Variants in NFIB observed in about 807,000 individuals in gnomAD.
NFIB encodes nuclear factor 1 B-type.
A neutral mutation model predicts 61.5 loss-of-function variants in NFIB; 11 were observed. The observed-to-expected ratio is 0.18, with a 90% CI of 0.11 to 0.30. NFIB has a LOEUF of 0.30. Ranked by LOEUF, NFIB falls within the 10% of genes least tolerant of loss-of-function variation. The pLI is 1.00. For synonymous variants in NFIB, 260 were observed against 216.5 expected (o/e 1.20, Z -1.76); for missense variants, 471 against 608.9 (o/e 0.77, Z 2.38).
intron 7 of NFIB, among the ~76,000 whole-genome samples, chr9:14,122,728 T>C (rs1007096249): frequency 2.0e-5 from 3 of 152,152 alleles, no homozygotes; most frequent in African/African-American, 7.2e-5. Context: ...CATAGTTCCA[T>C]CTTGGGTCCT....
intron 6 of NFIB, among the ~76,000 whole-genome samples, chr9:14,135,576 T>C (rs1361486771): frequency 1.3e-5 from 2 of 152,194 alleles, no homozygotes; most frequent in Non-Finnish European, 2.9e-5. Context: ...CTGAATGTTA[T>C]GACAAGACAT....
intron 2 of NFIB, among the ~76,000 whole-genome samples, chr9:14,186,962 G>T (rs1375595810): frequency 6.7e-6 from 1 of 149,934 alleles, no homozygotes; most frequent in African/African-American, 2.5e-5. Context: ...TAAATGTTTG[G>T]GAAATGGTTT....
Position 14,090,125 on chromosome 9 carries a change from T to C in NFIB, c.1468-1799A>G, listed in dbSNP as rs575626049. Among the ~76,000 whole-genome samples, 47 of 150,432 alleles carry C rather than the reference T, an allele frequency of 3.1e-4. No individual in the cohort carries two copies. In the South Asian group the frequency reaches 6.8e-3, roughly 22 times the overall value. ...ACCCAAGATTACATATACTCATGAA[T>C]ATGTTGTGATTTGATCCCCTATAAA... On this transcript the variant is annotated intron_variant, in intron 10 of 10. Coordinates refer to ENST00000380953, the MANE Select transcript of NFIB (RefSeq NM_001190737.2).
At chr9:14,233,421 CTTTT>C (rs766595252) in intron 2 of NFIB, among the ~76,000 whole-genome samples, 4 of 109,124 alleles carry the variant, frequency 3.7e-5, no homozygotes, top group Non-Finnish European at 5.6e-5. Flanking sequence ...TGCTATTATT[CTTTT>C]TTTTTTTTTT....
intron 2 of NFIB, among the ~76,000 whole-genome samples, chr9:14,241,814 T>C (rs1267168956): frequency 6.6e-6 from 1 of 152,174 alleles, no homozygotes; most frequent in Non-Finnish European, 1.5e-5. Flanking sequence ...ATTCTTCCTC[T>C]CCTTATAGAC....
chr9:14,408,754 T>G, the NFIB span, among the ~76,000 whole-genome samples: 1 of 152,246 alleles, frequency 6.6e-6, no homozygotes, highest in East Asian at 1.9e-4. Flanking sequence ...AAGTGGTTCT[T>G]AGAATAATTT....
At chr9:14,140,203 T>A (rs1307274107) in intron 6 of NFIB, among the ~76,000 whole-genome samples, 1 of 152,220 alleles carries the variant, frequency 6.6e-6, no homozygotes, top group Non-Finnish European at 1.5e-5. Flanking sequence ...TCTTCCAGTA[T>A]GGTTACTAAG....
chr9:14,321,247 G>GA (rs1310664909), intron 1 of NFIB, among the ~76,000 whole-genome samples: 2 of 151,796 alleles, frequency 1.3e-5, no homozygotes. Context: ...ATAGGAAGAG[G>GA]AAAAAAATCG....
At chr9:14,432,117 G>C in the NFIB span, among the ~76,000 whole-genome samples, 2 of 152,172 alleles carry the variant, frequency 1.3e-5, no homozygotes, top group South Asian at 2.1e-4. Context: ...CATGTACACA[G>C]TTGATTGGTC....
chr9:14,402,456 G>C (rs72700552), upstream of NFIB, among the ~76,000 whole-genome samples: 132 of 152,078 alleles, frequency 8.7e-4, 1 homozygote, highest in Admixed American at 3.4e-3. Flanking sequence ...TTAATTATGA[G>C]GAAATAATTC....
At chr9:14,427,937 G>GTTTTTTTTTTTTGTTTTT in the NFIB span, among the ~76,000 whole-genome samples, 2 of 43,384 alleles carry the variant, frequency 4.6e-5, no homozygotes, top group Non-Finnish European at 8.7e-5. Context: ...TAATTCAGTT[G>GTTTTTTTTTTTTGTTTTT]TTTTTTTTTT....
rs550120974 is a variant in NFIB at position 14,387,967 on chromosome 9, G to C, written c.108+10557C>G. 3.3e-5 allele frequency among the ~76,000 whole-genome samples: 5 copies of C among 152,262 alleles called. No individual in the cohort carries two copies. The South Asian group carries it at 6.2e-4, about 19-fold the overall frequency. ...TCCCACTTCTTCTACCCAACTGTGA[G>C]GCACTGCTATACAGAATTGTATATA... On this transcript the variant is annotated intron_variant, in intron 1 of 8. Coordinates refer to the NFIB transcript ENST00000380934.
At chr9:14,515,036 G>A in the NFIB span, among the ~76,000 whole-genome samples, 5 of 152,150 alleles carry the variant, frequency 3.3e-5, no homozygotes, top group African/African-American at 1.2e-4. Flanking sequence ...GTTTAGCAGA[G>A]AATTGAGACT....
chr9:14,335,766 T>G (rs1020609172), intron 1 of NFIB, among the ~76,000 whole-genome samples: 1 of 152,182 alleles, frequency 6.6e-6, no homozygotes, highest in African/African-American at 2.4e-5. Flanking sequence ...CATGAAAGAT[T>G]TTTTCCCTCT....
At chr9:14,458,889 T>C in the NFIB span, among the ~76,000 whole-genome samples, 120,848 of 150,326 alleles carry the variant, frequency 0.8, 48,688 homozygotes, top group East Asian at 0.89. Context: ...AATGGAAGAA[T>C]ATTCCATGCT....
At chr9:14,329,966 A>G (rs144353899) in intron 1 of NFIB, among the ~76,000 whole-genome samples, 1,805 of 152,098 alleles carry the variant, frequency 0.012, 18 homozygotes, top group Non-Finnish European at 0.016. Context: ...TACTAAAAAT[A>G]CAAAAAATTA....
chr9:14,171,729 A>G (rs2045585216), intron 3 of NFIB, among the ~76,000 whole-genome samples: 1 of 152,218 alleles, frequency 6.6e-6, no homozygotes, highest in Non-Finnish European at 1.5e-5. Flanking sequence ...CAAGTCTGGT[A>G]AAATAAAATA....
At chr9:14,396,845 A>C (rs1482938047) in intron 1 of NFIB, among the ~76,000 whole-genome samples, 2 of 152,288 alleles carry the variant, frequency 1.3e-5, no homozygotes, top group Non-Finnish European at 1.5e-5. Flanking sequence ...AGCTGAATCT[A>C]AGGTGCCTGT....
Position 14,082,922 on chromosome 9 carries a change from T to G in NFIB, c.*5387A>C. 1 of 208,568 alleles carries G rather than the reference T, an allele frequency of 4.8e-6. No homozygotes were observed. Among genetic ancestry groups the G allele is most frequent in the Non-Finnish European group, 9.8e-6 (1 of 102,296 alleles). 12.9% of individuals were successfully genotyped at this position (208,568 alleles called of 1,614,324 possible). On this transcript the variant is annotated 3_prime_UTR_variant, in exon 11 of 11. Coordinates refer to ENST00000380953, the MANE Select transcript of NFIB (RefSeq NM_001190737.2). ...TGTCACTAGCTTACACTGCTTTTCA[T>G]GTATTTAGGCCACCTGTTGTTCCTG...
Sources: gnomAD v4.1 joint callset for allele counts (sites outside exome capture counted in the v4.1 genomes callset) on GRCh38, gnomAD v4.1.1 for gene constraint, MANE v1.5 for transcripts, NCBI Gene and HGNC (gene_info 2026-07-23, HGNC 2026-07-21) for gene names.